IQCM: variants seen among roughly 807,000 people sequenced by gnomAD.
IQCM encodes IQ motif containing M, also known as IQ domain-containing protein M.
In IQCM, 45 loss-of-function variants were observed where a neutral mutation model predicts 57.6. The ratio of observed to expected loss-of-function variants is 0.78; its 90% CI spans 0.62 to 1.00. The LOEUF is 1.00. Among genes scored for constraint, IQCM ranks in the 50% least tolerant of loss-of-function variants. The pLI is 0.00. For synonymous variants in IQCM, 148 were observed against 158.9 expected (o/e 0.93, Z 0.51); for missense variants, 468 against 511.6 (o/e 0.91, Z 0.82).
chr4:149,516,120 G>T (rs1744935362), intron 12 of IQCM, among the ~76,000 whole-genome samples: 1 of 152,174 alleles, frequency 6.6e-6, no homozygotes, highest in South Asian at 2.1e-4. Flanking sequence ...CCATTGATTA[G>T]TGCCCAATTT....
intron 12 of IQCM, among the ~76,000 whole-genome samples, chr4:149,447,859 A>C (rs1736686242): frequency 6.6e-6 from 1 of 151,738 alleles, no homozygotes; most frequent in Non-Finnish European, 1.5e-5. Context: ...AACTGGTGAT[A>C]AAGAAATAAT....
chr4:149,554,257 G>A (rs1042387624), intron 10 of IQCM, among the ~76,000 whole-genome samples: 1 of 152,154 alleles, frequency 6.6e-6, no homozygotes, highest in African/African-American at 2.4e-5. Context: ...TAGCTAGTAA[G>A]TTGTATCATT....
intron 12 of IQCM, among the ~76,000 whole-genome samples, chr4:149,450,253 C>T (rs923349282): frequency 4.0e-5 from 6 of 151,746 alleles, no homozygotes; most frequent in African/African-American, 1.2e-4. Context: ...AACTGTGAAA[C>T]TACTACCAGA....
chr4:149,739,017 G>T (rs962610016), intron 3 of IQCM, among the ~76,000 whole-genome samples: 1 of 152,050 alleles, frequency 6.6e-6, no homozygotes, highest in Non-Finnish European at 1.5e-5. Context: ...AATCTTTGAG[G>T]CTTCTCTTTT....
intron 12 of IQCM, among the ~76,000 whole-genome samples, chr4:149,494,632 T>C (rs1742458874): frequency 6.6e-6 from 1 of 152,098 alleles, no homozygotes; most frequent in Admixed American, 6.6e-5. Flanking sequence ...CAGCACTCCA[T>C]CTGCAAACAG....
At position 149,452,902 on chromosome 4, in the gene IQCM, A is replaced by C. The variant is rs1434373308; in HGVS notation, c.1229-19345T>G. Among the ~76,000 whole-genome samples the C allele has an allele frequency of 4.6e-5, 7 of 151,582 alleles. No individual in the cohort carries two copies. In the East Asian group the frequency reaches 1.2e-3, roughly 25 times the overall value. ...ACTAAGAAAGAGTGGTTTAAAAAAA[A>C]AAAGCTTTAAACAAATAGGATATAT... On this transcript the variant is annotated intron_variant, in intron 12 of 13. Transcript: ENST00000636793.
intron 7 of IQCM, among the ~76,000 whole-genome samples, chr4:149,651,564 C>T (rs537919743): frequency 2.1e-4 from 32 of 151,864 alleles, no homozygotes; most frequent in African/African-American, 6.8e-4. Context: ...AAGAATTCAC[C>T]ACATTAAAAG....
chr4:149,604,141 G>A (rs1052895626), intron 8 of IQCM, among the ~76,000 whole-genome samples: 3 of 152,076 alleles, frequency 2.0e-5, no homozygotes, highest in Admixed American at 2.0e-4. Flanking sequence ...CCTATATAGT[G>A]GCCTCTATCT....
At chr4:149,750,794 A>T (rs1168657894) in intron 2 of IQCM, among the ~76,000 whole-genome samples, 2 of 152,250 alleles carry the variant, frequency 1.3e-5, no homozygotes, top group African/African-American at 4.8e-5. Context: ...ACAGTTAAAG[A>T]CAACAATGAA....
chr4:149,518,596 T>G (rs924769003), intron 12 of IQCM, among the ~76,000 whole-genome samples: 1 of 151,896 alleles, frequency 6.6e-6, no homozygotes, highest in African/African-American at 2.4e-5. Context: ...GCCAGGAAAA[T>G]AGGAAGAAAA....
chr4:149,559,201 T>G (rs1749884652), intron 10 of IQCM, among the ~76,000 whole-genome samples: 1 of 152,178 alleles, frequency 6.6e-6, no homozygotes, highest in Non-Finnish European at 1.5e-5. Context: ...TACCTCCATT[T>G]TGTCACCCTC....
intron 12 of IQCM, among the ~76,000 whole-genome samples, chr4:149,541,344 G>GT (rs1747827958): frequency 6.6e-6 from 1 of 151,996 alleles, no homozygotes; most frequent in South Asian, 2.1e-4. Context: ...TACCTTTCAT[G>GT]TTTTTTAAGA....
chr4:149,616,480 G>A (rs1755799263), intron 8 of IQCM, among the ~76,000 whole-genome samples: 1 of 151,936 alleles, frequency 6.6e-6, no homozygotes, highest in East Asian at 1.9e-4. Context: ...TTTCAGTTTG[G>A]GAAGATAAAA....
intron 2 of IQCM, among the ~76,000 whole-genome samples, chr4:149,800,980 T>A (rs906135859): frequency 1.3e-5 from 2 of 151,558 alleles, no homozygotes; most frequent in East Asian, 1.9e-4. Context: ...AGAAAAAAAA[T>A]TCTAAAATTG....
chr4:149,492,260 T>C (rs1166544404), intron 12 of IQCM, among the ~76,000 whole-genome samples: 1 of 152,078 alleles, frequency 6.6e-6, no homozygotes, highest in African/African-American at 2.4e-5. Context: ...GTAAGTGTTA[T>C]TCATATCAGG....
intron 13 of IQCM, among the ~76,000 whole-genome samples, chr4:149,379,174 C>T (rs1057472602): frequency 1.1e-4 from 16 of 152,186 alleles, no homozygotes; most frequent in African/African-American, 3.6e-4. Context: ...GTTGCAGGAG[C>T]AGACACTGAT....
intron 12 of IQCM, among the ~76,000 whole-genome samples, chr4:149,507,229 C>T (rs1743919099): frequency 6.6e-6 from 1 of 152,152 alleles, no homozygotes; most frequent in Non-Finnish European, 1.5e-5. Context: ...AATGTGAAAA[C>T]AGACTAATAC....
chr4:149,442,883 G>A (rs866100028), intron 12 of IQCM, among the ~76,000 whole-genome samples: 2 of 151,402 alleles, frequency 1.3e-5, no homozygotes, highest in Non-Finnish European at 2.9e-5. Flanking sequence ...ATTAGTCAGT[G>A]TTCAACTGAT....
intron 8 of IQCM, among the ~76,000 whole-genome samples, chr4:149,590,754 A>T (rs771260638): frequency 5.9e-5 from 9 of 152,050 alleles, no homozygotes; most frequent in South Asian, 2.1e-4. Context: ...TTGCAGCTTC[A>T]TCCATGTCCC....
Sources: allele counts gnomAD v4.1 joint callset (sites outside exome capture counted in the v4.1 genomes callset), GRCh38; gene constraint gnomAD v4.1.1; transcripts MANE v1.5; gene names NCBI Gene and HGNC (gene_info 2026-07-23, HGNC 2026-07-21).